The following FAM193A variants were observed in gnomAD, a reference collection of about 807,000 sequenced individuals.
FAM193A encodes family with sequence similarity 193 member A, also known as protein FAM193A.
FAM193A carries 22 observed loss-of-function variants against 126.5 expected under a neutral mutation model. That is an observed-to-expected ratio of 0.17 (90% CI 0.12 to 0.25). The LOEUF (loss-of-function observed/expected upper bound fraction) is 0.25, where lower values mean the gene tolerates loss of function less well. Ranked by LOEUF, FAM193A falls within the 10% of genes least tolerant of loss-of-function variation. The probability of loss-of-function intolerance (pLI) is 1.00; values close to 1 mark genes in which losing one functional copy is unlikely to be tolerated. For missense variants in FAM193A, 1,675 were observed against 1,672.8 expected, an observed-to-expected ratio of 1.00 and a Z score of -0.02; for synonymous variants, 761 against 646.8, an observed-to-expected ratio of 1.18 and a Z score of -2.68.
chr4:2,731,888 G>A lies in FAM193A; in HGVS notation c.*20G>A, dbSNP rs368064827. On this transcript the variant is annotated 3_prime_UTR_variant, in exon 21 of 21. Coordinates refer to ENST00000637812, the MANE Select transcript of FAM193A (RefSeq NM_001366318.2). ...CACTGAATGAGGACTCCCTGGAGAG[G>A]GACACGCGAGAGGCAGGCCAGGCTG... 1.9e-6 allele frequency: 3 copies of A among 1,580,562 alleles called. No individual in the cohort carries two copies. The highest frequency in any genetic ancestry group is 1.3e-5 in the African/African-American group (1 of 74,318).
At chr4:2,610,188 C>T (rs867933090) in intron 2 of FAM193A, among the ~76,000 whole-genome samples, 15 of 152,054 alleles carry the variant, frequency 9.9e-5, no homozygotes, top group Admixed American at 3.9e-4. Flanking sequence ...GCCGAGATCA[C>T]GCCACTAAAC....
chr4:2,717,323 T>C (rs1577264897), intron 20 of FAM193A, among the ~76,000 whole-genome samples: 1 of 152,164 alleles, frequency 6.6e-6, no homozygotes, highest in African/African-American at 2.4e-5. Context: ...CTGCGCCTGG[T>C]GGCTCACACC....
At chr4:2,679,460 A>G (rs1577191997) in intron 13 of FAM193A, among the ~76,000 whole-genome samples, 1 of 145,812 alleles carries the variant, frequency 6.9e-6, no homozygotes, top group Non-Finnish European at 1.5e-5. Context: ...GCTCACTGCA[A>G]CCTCTGCCTC....
rs189044462 is a variant in FAM193A at position 2,681,892 on chromosome 4, C to T, written c.2332-7614C>T. ...GTTATGTTTTTGTTTTCATTTGTCT[C>T]TAAGTATTTTCTGCTTTTCTTTGTA... On this transcript the variant is annotated intron_variant, in intron 13 of 20. Coordinates refer to ENST00000637812, the MANE Select transcript of FAM193A (RefSeq NM_001366318.2). Among the ~76,000 whole-genome samples, 640 of 151,266 alleles carry T rather than the reference C, an allele frequency of 4.2e-3. 7 individuals are homozygous for T. The highest frequency in any genetic ancestry group is 6.5e-3 in the Non-Finnish European group (442 of 67,828).
In FAM193A at chr4:2,596,146, T is replaced by C; in HGVS notation, c.318T>C (p.Leu106=). The change falls in exon 2 of 21, where the codon CTT becomes CTC. Residue 106 remains leucine, a synonymous_variant. Coordinates refer to ENST00000637812, the MANE Select transcript of FAM193A (RefSeq NM_001366318.2). The part of the protein sequence containing the change: ...TPPYPAGDYC[L]LCRSERKDSS... Reference sequence around the variant, plus strand: ...CCTACCCTGCTGGGGATTATTGTCTTCTGTGCAGAAGTGAACGGAAAGACT... The same window carrying C: ...CCTACCCTGCTGGGGATTATTGTCTCCTGTGCAGAAGTGAACGGAAAGACT... 1.4e-6 allele frequency: 1 copy of C among 703,040 alleles called. No individual in the cohort carries two copies. Among genetic ancestry groups the C allele is most frequent in the Non-Finnish European group, 2.6e-6 (1 of 385,018 alleles). 43.6% of individuals were successfully genotyped at this position (703,040 alleles called of 1,614,324 possible). A position where few individuals can be genotyped will look rare whatever the true frequency, so the allele number is the denominator to read the frequency against.
At chr4:2,641,266 T>C (rs964143601) in intron 6 of FAM193A, among the ~76,000 whole-genome samples, 1 of 151,392 alleles carries the variant, frequency 6.6e-6, no homozygotes, top group African/African-American at 2.4e-5. Flanking sequence ...AGGGTGGTCT[T>C]GAACTCCTGA....
At chr4:2,703,914 G>T (rs1395014234) in intron 19 of FAM193A, among the ~76,000 whole-genome samples, 3 of 151,846 alleles carry the variant, frequency 2.0e-5, no homozygotes, top group African/African-American at 7.3e-5. Context: ...TGAGGCTGCG[G>T]TGTGTCATGA....
At chr4:2,665,454 G>T (rs553617081) in intron 12 of FAM193A, among the ~76,000 whole-genome samples, 2 of 152,156 alleles carry the variant, frequency 1.3e-5, no homozygotes, top group South Asian at 4.2e-4. Flanking sequence ...TTCCAATCTG[G>T]ATGCAATGCT....
chr4:2,696,266 C>G, intron 17 of FAM193A, 97 bp from the exon 18 acceptor site: 1 of 774,920 alleles, frequency 1.3e-6, no homozygotes, highest in Non-Finnish European at 2.1e-6. Context: ...ATATATACTA[C>G]TTGAGTAATA....
At chr4:2,655,969 A>G (rs1033971904) in intron 7 of FAM193A, among the ~76,000 whole-genome samples, 2 of 152,118 alleles carry the variant, frequency 1.3e-5, no homozygotes, top group African/African-American at 2.4e-5. Context: ...AATTTTTTGT[A>G]GCGGTGGGGG....
intron 13 of FAM193A, among the ~76,000 whole-genome samples, chr4:2,676,158 T>C (rs1312704343): frequency 2.6e-5 from 4 of 152,232 alleles, no homozygotes; most frequent in African/African-American, 9.6e-5. Flanking sequence ...AATTGCTAGA[T>C]CATATGGTAA....
intron 7 of FAM193A, among the ~76,000 whole-genome samples, chr4:2,647,668 C>T (rs975603282): frequency 5.3e-5 from 8 of 152,178 alleles, no homozygotes; most frequent in African/African-American, 1.2e-4. Flanking sequence ...GGCTTTGAGA[C>T]GGCGCCCCCT....
At chr4:2,636,401 A>C (rs867125921) in intron 5 of FAM193A, among the ~76,000 whole-genome samples, 4 of 152,052 alleles carry the variant, frequency 2.6e-5, no homozygotes, top group African/African-American at 9.7e-5. Flanking sequence ...ATCCTGATAG[A>C]TCTTCTCTGA....
chr4:2,626,295 C>T, intron 3 of FAM193A, 115 bp from the exon 4 acceptor site: 2 of 627,242 alleles, frequency 3.2e-6, no homozygotes, highest in South Asian at 3.6e-5. Flanking sequence ...TGATTGCCGG[C>T]TCCTGGGAGC....
intron 1 of FAM193A, among the ~76,000 whole-genome samples, chr4:2,577,532 C>T (rs1739679346): frequency 6.6e-6 from 1 of 150,626 alleles, no homozygotes; most frequent in Non-Finnish European, 1.5e-5. Flanking sequence ...GATTCTACTG[C>T]CTCAGCCTCC....
Position 2,696,392 on chromosome 4 carries a change from T to C in FAM193A, c.3306T>C (p.Tyr1102=), listed in dbSNP as rs762640633. ...GPPAAPTSRN[Y]AEMREKLRLR... is the part of the protein sequence containing the mutation. The stretch of plus-strand genomic sequence containing the variant: ...CAGCTGCACCAACAAGTAGAAATTA[T>C]GCAGAAATGAGGGAAAAGCTTCGCT... Residue 1102 remains tyrosine (Y), a synonymous_variant, in exon 18 of 21, where the codon TAT becomes TAC. Coordinates refer to ENST00000637812, the MANE Select transcript of FAM193A (RefSeq NM_001366318.2). 6.2e-6 allele frequency: 10 copies of C among 1,614,080 alleles called. No homozygotes were observed. The highest frequency in any genetic ancestry group is 3.3e-5 in the Admixed American group (2 of 60,004).
intron 19 of FAM193A, among the ~76,000 whole-genome samples, chr4:2,710,852 T>TTTC (rs1718872729): frequency 7.4e-5 from 1 of 13,512 alleles, no homozygotes; most frequent in Non-Finnish European, 1.8e-4. Flanking sequence ...CTGTGCTTTC[T>TTTC]TTTTTTTTTT....
chr4:2,645,826 C>G (rs1435207443), intron 6 of FAM193A, among the ~76,000 whole-genome samples: 2 of 152,084 alleles, frequency 1.3e-5, no homozygotes, highest in Non-Finnish European at 2.9e-5. Flanking sequence ...TGCACCTGAC[C>G]GCCGTCTTTC....
At chr4:2,598,925 G>A (rs970343601) in intron 2 of FAM193A, among the ~76,000 whole-genome samples, 4 of 152,190 alleles carry the variant, frequency 2.6e-5, no homozygotes, top group Admixed American at 6.5e-5. Context: ...GGCCTTGGGG[G>A]CAGCTTTCCC....
Sources: gnomAD v4.1 joint callset for allele counts (sites outside exome capture counted in the v4.1 genomes callset) on GRCh38, gnomAD v4.1.1 for gene constraint, MANE v1.5 for transcripts, NCBI Gene and HGNC (gene_info 2026-07-23, HGNC 2026-07-21) for gene names.